SIPA1L1: variants seen among roughly 807,000 people sequenced by gnomAD.
SIPA1L1 encodes signal induced proliferation associated 1 like 1.
A neutral mutation model predicts 162.7 loss-of-function variants in SIPA1L1; 26 were observed. That is an observed-to-expected ratio of 0.16 (90% CI 0.12 to 0.22). The LOEUF (loss-of-function observed/expected upper bound fraction) is 0.22. Ranked by LOEUF, SIPA1L1 falls within the 10% of genes least tolerant of loss-of-function variation. SIPA1L1 has a pLI of 1.00. For synonymous variants in SIPA1L1, 829 were observed against 837.4 expected (o/e 0.99, Z 0.17); for missense variants, 1,874 against 2,241.0 (o/e 0.84, Z 3.31).
intron 2 of SIPA1L1, among the ~76,000 whole-genome samples, chr14:71,359,040 C>T (rs1023371243): frequency 1.3e-5 from 2 of 152,086 alleles, no homozygotes; most frequent in African/African-American, 2.4e-5. Context: ...GCATGTATCC[C>T]CTCTGACCTT....
In SIPA1L1 at chr14:71,614,168, A is replaced by G. The variant is rs1485288563; in HGVS notation, c.1499-4589A>G. On this transcript the variant is annotated intron_variant, in intron 5 of 23. Coordinates refer to ENST00000381232, the MANE Select transcript of SIPA1L1 (RefSeq NM_001386936.1). Reference sequence around the variant, plus strand: ...AGGAGGCGGAGGTTGCAGTGGGCCAAGATCATGCCACGGCACTCCAGTCTG... The same window carrying G: ...AGGAGGCGGAGGTTGCAGTGGGCCAGGATCATGCCACGGCACTCCAGTCTG... Among the ~76,000 whole-genome samples the G allele has an allele frequency of 2.6e-5, 4 of 151,884 alleles. No individual in the cohort carries two copies. In the East Asian group the frequency reaches 7.7e-4, roughly 29 times the overall value.
intron 22 of SIPA1L1, among the ~76,000 whole-genome samples, chr14:71,737,354 CT>C (rs1284980545): frequency 2.0e-5 from 3 of 152,122 alleles, no homozygotes; most frequent in Non-Finnish European, 4.4e-5. Context: ...TGGGAAGAGG[CT>C]CTGCATGTTT....
At chr14:71,565,840 C>T (rs2030404480) in intron 4 of SIPA1L1, among the ~76,000 whole-genome samples, 1 of 151,510 alleles carries the variant, frequency 6.6e-6, no homozygotes, top group African/African-American at 2.4e-5. Flanking sequence ...AAAATCCTTC[C>T]AAAAAATTAA....
intron 5 of SIPA1L1, among the ~76,000 whole-genome samples, chr14:71,599,388 G>T (rs2036456198): frequency 6.6e-6 from 1 of 150,932 alleles, no homozygotes. Context: ...CCAACCTCAA[G>T]TGATCCACCC....
intron 2 of SIPA1L1, among the ~76,000 whole-genome samples, chr14:71,355,954 T>A (rs1401609636): frequency 6.6e-6 from 1 of 152,204 alleles, no homozygotes; most frequent in Non-Finnish European, 1.5e-5. Context: ...GGGTGATAGC[T>A]AGTTTAGCAG....
At chr14:71,666,785 A>G (rs779223225) in intron 10 of SIPA1L1, among the ~76,000 whole-genome samples, 2 of 151,274 alleles carry the variant, frequency 1.3e-5, no homozygotes, top group East Asian at 1.9e-4. Flanking sequence ...TTAAAATCCT[A>G]TTAAGTAAAA....
At chr14:71,646,344 T>C (rs1341439882) in intron 7 of SIPA1L1, among the ~76,000 whole-genome samples, 1 of 151,996 alleles carries the variant, frequency 6.6e-6, no homozygotes, top group Non-Finnish European at 1.5e-5. Flanking sequence ...GCCCGGCTAA[T>C]TTTTTGTATT....
At chr14:71,600,692 GATA>G (rs1320978550) in intron 5 of SIPA1L1, among the ~76,000 whole-genome samples, 2 of 152,120 alleles carry the variant, frequency 1.3e-5, no homozygotes, top group Non-Finnish European at 2.9e-5. Context: ...TCATTTTAAT[GATA>G]ATAATTCTTC....
chr14:71,611,735 A>T (rs557696673), intron 5 of SIPA1L1, among the ~76,000 whole-genome samples: 91 of 151,452 alleles, frequency 6.0e-4, no homozygotes, highest in Non-Finnish European at 6.0e-4. Context: ...GACATGACTC[A>T]CTCTTTTTTA....
chr14:71,465,071 TGCCGCTACTGGAGATGGGGA>T (rs2046892528), intron 2 of SIPA1L1, among the ~76,000 whole-genome samples: 1 of 152,166 alleles, frequency 6.6e-6, no homozygotes, highest in Non-Finnish European at 1.5e-5. Flanking sequence ...GTGGGGATGT[TGCCGCTACTGGAGATGGGGA>T]AGCTGTTGCT....
intron 17 of SIPA1L1, 47 bp from the exon 18 acceptor site, chr14:71,723,600 A>G (rs754254137): frequency 1.9e-6 from 3 of 1,607,822 alleles, no homozygotes; most frequent in Non-Finnish European, 8.5e-7. Context: ...TTTATAGCTG[A>G]CATAATGATC....
At chr14:71,592,083 T>C (rs533186551) in intron 5 of SIPA1L1, among the ~76,000 whole-genome samples, 5 of 152,318 alleles carry the variant, frequency 3.3e-5, no homozygotes, top group Admixed American at 3.3e-4. Context: ...CACCTAGGGA[T>C]CACCCACTAG....
intron 2 of SIPA1L1, among the ~76,000 whole-genome samples, chr14:71,328,617 T>C (rs1484305386): frequency 6.6e-6 from 1 of 152,184 alleles, no homozygotes; most frequent in Non-Finnish European, 1.5e-5. Flanking sequence ...AAGGAGAGCC[T>C]CTGGATCTTT....
chr14:71,539,311 G>A (rs1350218143), intron 4 of SIPA1L1, among the ~76,000 whole-genome samples: 4 of 152,190 alleles, frequency 2.6e-5, no homozygotes, highest in Admixed American at 2.0e-4. Context: ...GTGTGGCCTA[G>A]TGTAAATATT....
chr14:71,658,520 A>G, intron 9 of SIPA1L1, 84 bp downstream of exon 9: 1 of 899,136 alleles, frequency 1.1e-6, no homozygotes, highest in South Asian at 1.4e-5. Flanking sequence ...AAAATCTTAA[A>G]CCAGAATTTA....
rs539213473 is a variant in SIPA1L1, at chr14:71,331,510, A to C, written c.-465+10329A>C. ...GCATAGTAAAAGCTGTGTGTCTAGC[A>C]CTTCCGGTTTGCAAAGTACTTTCAC... On this transcript the variant is annotated intron_variant, in intron 2 of 23. Transcript: ENST00000381232. Among the ~76,000 whole-genome samples the C allele has an allele frequency of 2.6e-5, 4 of 152,322 alleles. No homozygotes were observed. In the East Asian group the frequency reaches 7.7e-4, roughly 29 times the overall value.
intron 2 of SIPA1L1, among the ~76,000 whole-genome samples, chr14:71,446,892 C>CTTTTTTT (rs2045390917): frequency 1.0e-5 from 1 of 99,578 alleles, no homozygotes; most frequent in African/African-American, 4.0e-5. Flanking sequence ...GAGATGGGCT[C>CTTTTTTT]TGTTTTTTTT....
intron 17 of SIPA1L1, among the ~76,000 whole-genome samples, chr14:71,717,076 T>G (rs1451904667): frequency 2.6e-5 from 4 of 152,196 alleles, no homozygotes; most frequent in Non-Finnish European, 5.9e-5. Flanking sequence ...ATTTCTTGTA[T>G]TTTAGTAGAG....
intron 2 of SIPA1L1, among the ~76,000 whole-genome samples, chr14:71,447,852 A>C (rs2045530187): frequency 6.6e-6 from 1 of 152,122 alleles, no homozygotes. Context: ...TACAGGTGTG[A>C]GCCACCATGC....
Sources: gnomAD v4.1 joint callset for allele counts (sites outside exome capture counted in the v4.1 genomes callset) on GRCh38, gnomAD v4.1.1 for gene constraint, MANE v1.5 for transcripts, NCBI Gene and HGNC (gene_info 2026-07-23, HGNC 2026-07-21) for gene names.